The following ACOX2 variants were observed in gnomAD, a reference collection of about 807,000 sequenced individuals.
ACOX2 encodes the protein peroxisomal acyl-coenzyme A oxidase 2.
ACOX2 carries 59 observed loss-of-function variants against 77.5 expected under a neutral mutation model. That is an observed-to-expected ratio of 0.76 (90% CI 0.62 to 0.95). ACOX2 has a LOEUF of 0.95. Among genes scored for constraint, ACOX2 ranks in the 40% least tolerant of loss-of-function variants. ACOX2 has a pLI of 0.00. For missense variants in ACOX2, 837 were observed against 880.4 expected (o/e 0.95, Z 0.62); for synonymous variants, 317 against 340.1 (o/e 0.93, Z 0.75).
At position 58,525,549 on chromosome 3, in the gene ACOX2, G is replaced by C. The variant is rs2063388127; in HGVS notation, c.1346+917C>G. Among the ~76,000 whole-genome samples, 1 of 152,216 alleles carries C rather than the reference G, an allele frequency of 6.6e-6. No individual in the cohort carries two copies. Among genetic ancestry groups the C allele is most frequent in the Non-Finnish European group, 1.5e-5 (1 of 68,044 alleles). ...GGCGATGCTAAAGCGAGCAAGGTAG[G>C]GGTAGTCCCTGCCCTCAGGGAGCTC... On this transcript the variant is annotated intron_variant, in intron 10 of 14. Transcript: ENST00000302819. The surrounding 1 kb of genome is among the most constrained non-coding windows in gnomAD (Gnocchi z 5.0).
At position 58,533,619 on chromosome 3, in the gene ACOX2, A is replaced by G; in HGVS notation, c.476-67T>C. ...GGTTCTTACCTGTGAAGCTGCTTCT[A>G]GGTGGGTCTGAACTCTTAGGCATCA... On this transcript the variant is annotated intron_variant, in intron 4 of 14. Coordinates refer to ENST00000302819, the MANE Select transcript of ACOX2 (RefSeq NM_003500.4). The surrounding 1 kb of genome is among the most constrained non-coding windows in gnomAD (Gnocchi z 5.6). The G allele has an allele frequency of 6.7e-7, 1 of 1,487,736 alleles. No homozygotes were observed. The highest frequency in any genetic ancestry group is 9.4e-7 in the Non-Finnish European group (1 of 1,067,216). 92.2% of individuals were successfully genotyped at this position (1,487,736 alleles called of 1,614,324 possible). A position where few individuals can be genotyped will look rare whatever the true frequency, so the allele number is the denominator to read the frequency against.
In ACOX2 at chr3:58,521,245, G is replaced by A. The variant is rs1560214743; in HGVS notation, c.1632+1251C>T. 3.3e-5 allele frequency among the ~76,000 whole-genome samples: 5 copies of A among 152,182 alleles called. No homozygotes were observed. The highest frequency in any genetic ancestry group is 4.1e-4 in the South Asian group (2 of 4,828). ...TGGTGTGGTGGAGGTGGTGGGTCAC[G>A]TGGTGGTGCTCAACGTCCAGCCTGC... On this transcript the variant is annotated intron_variant, in intron 12 of 14. Transcript: ENST00000302819. This position sits in a 1 kb window ranked among gnomAD's most constrained non-coding sequence, Gnocchi z 4.8.
intron 14 of ACOX2, among the ~76,000 whole-genome samples, chr3:58,508,239 C>G (rs1380368980): frequency 6.6e-6 from 1 of 152,122 alleles, no homozygotes; most frequent in Non-Finnish European, 1.5e-5. Context: ...ATGAGTCCTC[C>G]CCGTCTTCTC....
Position 58,533,516 on chromosome 3 carries a change from T to G in ACOX2, c.512A>C (p.Tyr171Ser). The change falls in exon 5 of 15, where the codon TAT (tyrosine) becomes TCT (serine). Residue 171 changes from tyrosine to serine, a missense_variant. Transcript: ENST00000302819. The surrounding 1 kb of genome is among the most constrained non-coding windows in gnomAD (Gnocchi z 5.6). ...CACAAACTCCTGGGTGGCTGCGTCA[T>G]AGGTGGCTTCAGTCTCCAGGCCCTG... ...YLQGLETEATYDAATQEFVIH... is the reference protein window; with the variant it reads ...YLQGLETEATSDAATQEFVIH... 6.2e-7 allele frequency: 1 copy of G among 1,613,932 alleles called. No homozygotes were observed. Among genetic ancestry groups the G allele is most frequent in the Non-Finnish European group, 8.5e-7 (1 of 1,179,982 alleles).
In ACOX2 at chr3:58,534,432, G is replaced by A. The variant is rs1454568040; in HGVS notation, c.251C>T (p.Ala84Val). 4.3e-6 allele frequency: 7 copies of A among 1,614,070 alleles called. No homozygotes were observed. In the African/African-American group the frequency reaches 8.0e-5, roughly 18 times the overall value. The change falls in exon 3 of 15, where the codon GCA becomes GTA. Residue 84 changes from alanine (A) to valine (V), a missense_variant. Transcript: ENST00000302819. The surrounding 1 kb of genome is among the most constrained non-coding windows in gnomAD (Gnocchi z 4.8). The stretch of plus-strand genomic sequence containing the variant: ...CCGAGCTATCAACCGGATGTGGAAT[G>A]CCCTCCGCATGGCAGCCTTATAACG... Reference protein sequence around the residue: ...NERYKAAMRRAFHIRLIARRL... With the variant: ...NERYKAAMRRVFHIRLIARRL...
Position 58,528,892 on chromosome 3 carries a change from T to C in ACOX2, c.1057A>G (p.Ile353Val). 6.2e-7 allele frequency: 1 copy of C among 1,613,764 alleles called. No homozygotes were observed. Among genetic ancestry groups the C allele is most frequent in the Non-Finnish European group, 8.5e-7 (1 of 1,179,834 alleles). ...GCCAGGAAATGGAAGGCATAACTGATGGCCAGCTGAGGAAAGAGTTTCTGC... is the reference window on the plus strand; with the variant it reads ...GCCAGGAAATGGAAGGCATAACTGACGGCCAGCTGAGGAAAGAGTTTCTGC... ...QQQKLFPQLAISYAFHFLAVS... is the reference protein window; with the variant it reads ...QQQKLFPQLAVSYAFHFLAVS... The change falls in exon 9 of 15, where the codon ATC (isoleucine) becomes GTC (valine). Residue 353 changes from isoleucine to valine, a missense_variant. Ile to Val is a conservative substitution (Grantham distance 29, BLOSUM62 3). Transcript: ENST00000302819. The surrounding 1 kb of genome is among the most constrained non-coding windows in gnomAD (Gnocchi z 5.6).
At position 58,515,676 on chromosome 3, in the gene ACOX2, G is replaced by T. The variant is rs999338861; in HGVS notation, c.1850+1530C>A. Reference sequence around the variant, plus strand: ...AGTCGCCTCTAACCCCATGCAATAGGTATCATATTTTCTGCCCAGTGAGGT... The same window carrying T: ...AGTCGCCTCTAACCCCATGCAATAGTTATCATATTTTCTGCCCAGTGAGGT... On this transcript the variant is annotated intron_variant, in intron 13 of 14. Coordinates refer to ENST00000302819, the MANE Select transcript of ACOX2 (RefSeq NM_003500.4). This position sits in a 1 kb window ranked among gnomAD's most constrained non-coding sequence, Gnocchi z 4.0. Among the ~76,000 whole-genome samples, 1 of 152,018 alleles carries T rather than the reference G, an allele frequency of 6.6e-6. No homozygotes were observed. Among genetic ancestry groups the T allele is most frequent in the African/African-American group, 2.4e-5 (1 of 41,390 alleles).
Position 58,528,905 on chromosome 3 carries a change from A to C in ACOX2, c.1044T>G (p.Phe348Leu), listed in dbSNP as rs2063416603. The change falls in exon 9 of 15, where the codon TTT (phenylalanine) becomes TTG (leucine). Residue 348 changes from phenylalanine to leucine, a missense_variant. By Grantham distance (22) the Phe-to-Leu change is conservative. Transcript: ENST00000302819. The surrounding 1 kb of genome is among the most constrained non-coding windows in gnomAD (Gnocchi z 5.6). ...LDYQTQQQKL[F>L]PQLAISYAFH... ...AGGCATAACTGATGGCCAGCTGAGG[A>C]AAGAGTTTCTGCTGTTGTGTCTGGT... 1.2e-6 allele frequency: 2 copies of C among 1,613,546 alleles called. No individual in the cohort carries two copies. Among genetic ancestry groups the C allele is most frequent in the Admixed American group, 3.3e-5 (2 of 59,922 alleles).
chr3:58,513,888 T>C (rs2063304321), intron 13 of ACOX2, among the ~76,000 whole-genome samples: 1 of 152,172 alleles, frequency 6.6e-6, no homozygotes, highest in Non-Finnish European at 1.5e-5. Flanking sequence ...TCAGTGTCTT[T>C]AGCTCCTTCT....
At chr3:58,516,910 T>C (rs1251036699) in intron 13 of ACOX2, among the ~76,000 whole-genome samples, 11 of 152,246 alleles carry the variant, frequency 7.2e-5, no homozygotes, top group Non-Finnish European at 1.6e-4. Context: ...ATCATTCATA[T>C]GTAGCATGCT....
rs770977337 is a variant in ACOX2 at position 58,508,963 on chromosome 3, A to C, written c.1913T>G (p.Leu638Arg). ...GTAGACGTTTCCATCATAACAGCCA[A>C]GTGCTGAATTTAAACACTGATCGGT... ...DFTDQCLNSALGCYDGNVYER... is the reference protein window; with the variant it reads ...DFTDQCLNSARGCYDGNVYER... The change falls in exon 14 of 15, where the codon CTT becomes CGT. Residue 638 changes from leucine (L) to arginine (R), a missense_variant. Physicochemically the swap from Leu to Arg is moderately radical, Grantham distance 102. Transcript: ENST00000302819. 6.2e-6 allele frequency: 10 copies of C among 1,614,100 alleles called. No homozygotes were observed. The highest frequency in any genetic ancestry group is 8.5e-6 in the Non-Finnish European group (10 of 1,180,030).
rs2063227375 is a variant in ACOX2, at chr3:58,505,408, A to T, written c.1984-122T>A. On this transcript the variant is annotated intron_variant, in intron 14 of 14. Coordinates refer to ENST00000302819, the MANE Select transcript of ACOX2 (RefSeq NM_003500.4). The surrounding 1 kb of genome is among the most constrained non-coding windows in gnomAD (Gnocchi z 4.4). ...ATTACGTAAGATTCTTAATTTTAAA[A>T]ATTATTTCTAAGACTCATTTTGTGT... The T allele has an allele frequency of 1.1e-5, 9 of 783,368 alleles. No individual in the cohort carries two copies. The highest frequency in any genetic ancestry group is 1.9e-6 in the Non-Finnish European group (1 of 518,788). The allele number at this position is 783,368 out of a possible 1,614,324, so 48.5% of individuals were successfully genotyped here. A position where few individuals can be genotyped will look rare whatever the true frequency, so the allele number is the denominator to read the frequency against.
In ACOX2 at chr3:58,505,438, A is replaced by T. The variant is rs532385875; in HGVS notation, c.1984-152T>A. ...TTTCTAAGACTCATTTTGTGTGAACATATGGAGAAACATTTTTTCCAAAGG... is the reference window on the plus strand; with the variant it reads ...TTTCTAAGACTCATTTTGTGTGAACTTATGGAGAAACATTTTTTCCAAAGG... On this transcript the variant is annotated intron_variant, in intron 14 of 14. Coordinates refer to ENST00000302819, the MANE Select transcript of ACOX2 (RefSeq NM_003500.4). This position sits in a 1 kb window ranked among gnomAD's most constrained non-coding sequence, Gnocchi z 4.4. 17 of 619,618 alleles carry T rather than the reference A, an allele frequency of 2.7e-5. No individual in the cohort carries two copies. In the East Asian group the frequency reaches 5.3e-4, roughly 19 times the overall value. 38.4% of individuals were successfully genotyped at this position (619,618 alleles called of 1,614,324 possible).
rs1250262529 is a variant in ACOX2 at position 58,534,583 on chromosome 3, T to C, written c.161-61A>G. 6.2e-7 allele frequency: 1 copy of C among 1,612,968 alleles called. No individual in the cohort carries two copies. The highest frequency in any genetic ancestry group is 1.1e-5 in the South Asian group (1 of 90,952). The stretch of plus-strand genomic sequence containing the variant: ...GGGTGAGGTTTCTGGCACCTTGAAA[T>C]CTTCTCACCCACTTGCTTCATGGAT... On this transcript the variant is annotated intron_variant, in intron 2 of 14. Transcript: ENST00000302819. The surrounding 1 kb of genome is among the most constrained non-coding windows in gnomAD (Gnocchi z 4.8).
rs1232180183 is a variant in ACOX2, at chr3:58,534,310, G to A, written c.323+50C>T. The A allele has an allele frequency of 1.2e-5, 20 of 1,605,516 alleles. No homozygotes were observed. The highest frequency in any genetic ancestry group is 1.4e-5 in the Non-Finnish European group (17 of 1,175,808). On this transcript the variant is annotated intron_variant, in intron 3 of 14. Transcript: ENST00000302819. This position sits in a 1 kb window ranked among gnomAD's most constrained non-coding sequence, Gnocchi z 4.8. ...GCTCATGGGGCTAGGGGGTTTCCAG[G>A]TGATCCCAGGTAGATCCCTCTCTAG...
intron 5 of ACOX2, among the ~76,000 whole-genome samples, 200 bp from the exon 6 acceptor site, chr3:58,532,012 CT>C (rs1057182666): frequency 7.3e-5 from 11 of 151,250 alleles, no homozygotes; most frequent in African/African-American, 2.4e-4. Context: ...AATGATCCAG[CT>C]TTTTTTTTGC....
rs151304949 is a variant in ACOX2 at position 58,534,366 on chromosome 3, G to A, written c.317C>T (p.Ala106Val). ...WLEDGRELGY[A>V]YRALSGDVAL... ...CTGCTCGAGGAGTGAGCACCTGTAA[G>A]CGTAGCCTAATTCACGACCATCTTC... The change falls in exon 3 of 15, where the codon GCT (alanine) becomes GTT (valine). Residue 106 changes from alanine (A) to valine (V), a missense_variant. By Grantham distance (64) the Ala-to-Val change is moderately conservative (BLOSUM62 0). Coordinates refer to ENST00000302819, the MANE Select transcript of ACOX2 (RefSeq NM_003500.4). This position sits in a 1 kb window ranked among gnomAD's most constrained non-coding sequence, Gnocchi z 4.8. 13 of 1,614,100 alleles carry A rather than the reference G, an allele frequency of 8.1e-6. No individual in the cohort carries two copies. In the East Asian group the frequency reaches 2.7e-4, roughly 33 times the overall value.
At position 58,533,544 on chromosome 3, in the gene ACOX2, G is replaced by T. The variant is rs143801474; in HGVS notation, c.484C>A (p.Leu162Ile). 6.2e-7 allele frequency: 1 copy of T among 1,613,968 alleles called. No homozygotes were observed. The highest frequency in any genetic ancestry group is 1.3e-5 in the African/African-American group (1 of 74,928). ...GTGGCTTCAGTCTCCAGGCCCTGAA[G>T]ATATGTCCCTTAGGATCAAGGAGAG... ...AQTELGHGTYLQGLETEATYD... is the reference protein window; with the variant it reads ...AQTELGHGTYIQGLETEATYD... Residue 162 changes from leucine (L) to isoleucine (I), a missense_variant, in exon 5 of 15, where the codon CTT becomes ATT. By Grantham distance (5) the Leu-to-Ile change is conservative. Transcript: ENST00000302819. This position sits in a 1 kb window ranked among gnomAD's most constrained non-coding sequence, Gnocchi z 5.6.
At position 58,515,465 on chromosome 3, in the gene ACOX2, A is replaced by G. The variant is rs1379613433; in HGVS notation, c.1850+1741T>C. 6.6e-6 allele frequency among the ~76,000 whole-genome samples: 1 copy of G among 151,920 alleles called. No homozygotes were observed. The highest frequency in any genetic ancestry group is 1.5e-5 in the Non-Finnish European group (1 of 68,020). On this transcript the variant is annotated intron_variant, in intron 13 of 14. Transcript: ENST00000302819. The surrounding 1 kb of genome is among the most constrained non-coding windows in gnomAD (Gnocchi z 4.0). ...CTGTCTTAAAATCTTATTTTTAAAA[A>G]ATTACAAATCTTTTAGAGACAGGGT...
Sources: allele counts gnomAD v4.1 joint callset (sites outside exome capture counted in the v4.1 genomes callset), GRCh38; gene constraint gnomAD v4.1.1; non-coding constraint Gnocchi (gnomAD v3.1); transcripts MANE v1.5; gene names NCBI Gene and HGNC (gene_info 2026-07-23, HGNC 2026-07-21).